CADM2: variants seen among roughly 807,000 people sequenced by gnomAD.
CADM2 encodes immunoglobulin superfamily member 4D.
CADM2 carries 12 observed loss-of-function variants against 49.8 expected under a neutral mutation model. The observed-to-expected ratio is 0.24, with a 90% confidence interval of 0.15 to 0.39. The LOEUF (loss-of-function observed/expected upper bound fraction) is 0.39, where lower values mean the gene tolerates loss of function less well. CADM2 is among the 10% of genes least tolerant of loss of function. The probability of loss-of-function intolerance (pLI) is 1.00; values close to 1 mark genes in which losing one functional copy is unlikely to be tolerated. For synonymous variants in CADM2, 214 were observed against 175.4 expected (o/e 1.22, Z -1.74); for missense variants, 378 against 492.3 (o/e 0.77, Z 2.20).
chr3:85,171,614 C>T (rs984090610), intron 1 of CADM2, among the ~76,000 whole-genome samples: 7 of 152,154 alleles, frequency 4.6e-5, no homozygotes, highest in Non-Finnish European at 1.0e-4. Flanking sequence ...ATGTAGAGAT[C>T]GTGCTCAGGT....
At chr3:85,062,085 C>T (rs996086843) in intron 1 of CADM2, among the ~76,000 whole-genome samples, 8 of 151,592 alleles carry the variant, frequency 5.3e-5, no homozygotes. Context: ...CATACACACA[C>T]ACGCACACAC....
At chr3:85,864,199 A>G (rs1189135459) in intron 3 of CADM2, among the ~76,000 whole-genome samples, 3 of 152,172 alleles carry the variant, frequency 2.0e-5, no homozygotes, top group Admixed American at 6.5e-5. Flanking sequence ...CTTCTTTAAG[A>G]TAGTTATAAG....
At chr3:85,772,692 G>A (rs1185917526) in intron 2 of CADM2, among the ~76,000 whole-genome samples, 1 of 152,016 alleles carries the variant, frequency 6.6e-6, no homozygotes, top group Non-Finnish European at 1.5e-5. Context: ...TCAGTTTAGA[G>A]GAGGAGGATA....
At chr3:85,912,574 C>A (rs1183321328) in intron 6 of CADM2, 31 bp downstream of exon 6, 7 of 1,587,808 alleles carry the variant, frequency 4.4e-6, no homozygotes, top group Non-Finnish European at 6.0e-6. Context: ...CCTCCTTTAT[C>A]TCAGCAGCAA....
chr3:85,241,960 T>G (rs997883192), intron 1 of CADM2, among the ~76,000 whole-genome samples: 1 of 151,470 alleles, frequency 6.6e-6, no homozygotes, highest in African/African-American at 2.4e-5. Context: ...GTGTGAAGGG[T>G]GATCCAGCTG....
intron 8 of CADM2, among the ~76,000 whole-genome samples, chr3:85,994,951 C>A (rs553489415): frequency 5.8e-4 from 79 of 136,350 alleles, no homozygotes; most frequent in Non-Finnish European, 8.7e-4. Flanking sequence ...TGAGCACATG[C>A]TGTTGGAAAA....
chr3:85,961,798 T>C (rs1006398909), intron 8 of CADM2, 151 bp downstream of exon 8: 1 of 434,716 alleles, frequency 2.3e-6, no homozygotes, highest in Non-Finnish European at 3.9e-6. Context: ...TGAGATATTA[T>C]ATTTAATATT....
At chr3:85,351,548 A>G (rs374493466) in intron 1 of CADM2, among the ~76,000 whole-genome samples, 13 of 152,088 alleles carry the variant, frequency 8.5e-5, no homozygotes, top group East Asian at 1.9e-4. Flanking sequence ...CACCTGCTCA[A>G]TTTGATCTGG....
At chr3:85,834,838 T>A (rs2074336393) in intron 3 of CADM2, among the ~76,000 whole-genome samples, 1 of 151,536 alleles carries the variant, frequency 6.6e-6, no homozygotes, top group South Asian at 2.1e-4. Flanking sequence ...TTGTCACAGG[T>A]GACATCTTTA....
intron 1 of CADM2, among the ~76,000 whole-genome samples, chr3:85,192,501 G>C (rs1270562659): frequency 6.6e-6 from 1 of 151,886 alleles, no homozygotes; most frequent in Middle Eastern, 3.4e-3. Flanking sequence ...GCCATACCCG[G>C]TGAGATACCA....
At chr3:85,605,438 T>C (rs2063516497) in intron 1 of CADM2, among the ~76,000 whole-genome samples, 1 of 152,030 alleles carries the variant, frequency 6.6e-6, no homozygotes, top group South Asian at 2.1e-4. Context: ...AGAGCGTGAA[T>C]AAGCTCTAAT....
At chr3:85,444,339 A>G (rs1016791454) in intron 1 of CADM2, among the ~76,000 whole-genome samples, 13 of 152,032 alleles carry the variant, frequency 8.6e-5, no homozygotes, top group African/African-American at 4.8e-5. Context: ...TCAAATGAAA[A>G]TAAAATCTAA....
At chr3:85,494,229 T>G (rs149949356) in intron 1 of CADM2, among the ~76,000 whole-genome samples, 2,095 of 152,280 alleles carry the variant, frequency 0.014, 50 homozygotes, top group African/African-American at 0.048. Context: ...AAAATTTAAC[T>G]TCTAGTTTCC....
chr3:85,813,237 C>A (rs930780798), intron 3 of CADM2, among the ~76,000 whole-genome samples: 3 of 152,180 alleles, frequency 2.0e-5, no homozygotes, highest in Non-Finnish European at 4.4e-5. Flanking sequence ...TGAATGATTG[C>A]CATTCTAACT....
intron 1 of CADM2, among the ~76,000 whole-genome samples, chr3:85,459,349 A>G (rs1368740): frequency 0.25 from 38,315 of 151,962 alleles, 5,005 homozygotes; most frequent in South Asian, 0.34. Flanking sequence ...ACTCAGCACA[A>G]TTTCCCCAGG....
chr3:85,010,348 G>A (rs116701082), intron 1 of CADM2, among the ~76,000 whole-genome samples: 154 of 152,250 alleles, frequency 1.0e-3, no homozygotes, highest in Non-Finnish European at 9.3e-4. Flanking sequence ...ATTTGATACC[G>A]TAATTAGAAT....
At chr3:85,123,222 A>G (rs991318375) in intron 1 of CADM2, among the ~76,000 whole-genome samples, 2 of 152,132 alleles carry the variant, frequency 1.3e-5, no homozygotes, top group Non-Finnish European at 2.9e-5. Context: ...TTGCTTTGTC[A>G]ACAACTTCAT....
At chr3:85,368,682 G>C (rs1003549780) in intron 1 of CADM2, among the ~76,000 whole-genome samples, 2 of 151,818 alleles carry the variant, frequency 1.3e-5, no homozygotes, top group African/African-American at 4.8e-5. Context: ...AAAAATTACT[G>C]TATGTCTCTC....
chr3:85,254,687 G>A (rs1249792433), intron 1 of CADM2, among the ~76,000 whole-genome samples: 13 of 152,078 alleles, frequency 8.5e-5, no homozygotes, highest in Non-Finnish European at 1.9e-4. Context: ...CAGAGTAACT[G>A]TGCAGAACAA....
Sources: allele counts gnomAD v4.1 joint callset (sites outside exome capture counted in the v4.1 genomes callset), GRCh38; gene constraint gnomAD v4.1.1; transcripts MANE v1.5; gene names NCBI Gene and HGNC (gene_info 2026-07-23, HGNC 2026-07-21).